The following F11R variants were observed in gnomAD, a reference collection of about 807,000 sequenced individuals.
F11R encodes F11 receptor, also known as junctional adhesion molecule A.
In F11R, 27 loss-of-function variants were observed where a neutral mutation model predicts 39.3. That is an observed-to-expected ratio of 0.69 (90% CI 0.51 to 0.95). F11R has a LOEUF of 0.95. F11R is among the 40% of genes least tolerant of loss of function. F11R has a pLI of 0.00. For synonymous variants in F11R, 131 were observed against 144.9 expected (o/e 0.90, Z 0.69); for missense variants, 335 against 372.7 (o/e 0.90, Z 0.83).
At chr1:161,012,928 T>G (rs1649254222) in intron 1 of F11R, among the ~76,000 whole-genome samples, 2 of 152,068 alleles carry the variant, frequency 1.3e-5, no homozygotes, top group Non-Finnish European at 2.9e-5. Flanking sequence ...CCCGGCCGAT[T>G]TATTTATTTT....
intron 1 of F11R, among the ~76,000 whole-genome samples, chr1:161,004,623 T>C (rs747692106): frequency 6.6e-6 from 1 of 151,758 alleles, no homozygotes; most frequent in Non-Finnish European, 1.5e-5. Context: ...GCAAAAGGAC[T>C]ACTTAAGCCA....
At chr1:161,017,046 GT>G (rs1405683369) in intron 1 of F11R, among the ~76,000 whole-genome samples, 1 of 152,162 alleles carries the variant, frequency 6.6e-6, no homozygotes, top group Non-Finnish European at 1.5e-5. Flanking sequence ...GATGTGCTTT[GT>G]TAAACAAATG....
chr1:161,001,100 C>T lies in F11R; in HGVS notation c.161G>A (p.Gly54Asp). Residue 54 changes from glycine to aspartate, a missense_variant, in exon 3 of 10, where the codon GGC becomes GAC. Transcript: ENST00000368026. Reference protein sequence around the residue: ...NPVKLSCAYSGFSSPRVEWKF... With the variant: ...NPVKLSCAYSDFSSPRVEWKF... ...CCACTCCACACGGGGAGAAGAAAAG[C>T]CCGAGTAGGCACAGGACAACTTCAC... 1 of 1,614,086 alleles carries T rather than the reference C, an allele frequency of 6.2e-7. No individual in the cohort carries two copies. Among genetic ancestry groups the T allele is most frequent in the Non-Finnish European group, 8.5e-7 (1 of 1,180,006 alleles).
chr1:161,016,031 T>C (rs956038231), intron 1 of F11R, among the ~76,000 whole-genome samples: 4 of 151,928 alleles, frequency 2.6e-5, no homozygotes, highest in African/African-American at 9.7e-5. Flanking sequence ...AAGAGCAACA[T>C]GGTGAGGTAA....
intron 1 of F11R, 142 bp from the exon 2 acceptor site, chr1:161,001,495 C>G (rs1041574881): frequency 3.3e-5 from 22 of 666,196 alleles, no homozygotes; most frequent in Middle Eastern, 5.2e-4. Context: ...CCCTCTGGCT[C>G]TCACACTTTG....
At chr1:161,017,348 GGCAAT>G (rs1284400479) in intron 1 of F11R, among the ~76,000 whole-genome samples, 1 of 152,142 alleles carries the variant, frequency 6.6e-6, no homozygotes, top group Admixed American at 6.6e-5. Context: ...CCCGTCCCTG[GGCAAT>G]GGAATGTCTC....
In F11R at chr1:161,021,068, C is replaced by A. The variant is rs757688038; in HGVS notation, c.6G>T (p.Gly2=). Residue 2 remains glycine (G), a synonymous_variant, in exon 1 of 10, where the codon GGG becomes GGT. Transcript: ENST00000368026. The part of the protein sequence containing the change: M[G]TKAQVERKLL... Reference sequence around the variant, plus strand: ...GTTTCCTCTCGACTTGCGCCTTTGTCCCCATCGCGATCAGGCTCCCGACAC... The same window carrying A: ...GTTTCCTCTCGACTTGCGCCTTTGTACCCATCGCGATCAGGCTCCCGACAC... 5.6e-6 allele frequency: 9 copies of A among 1,613,760 alleles called. No individual in the cohort carries two copies. Among genetic ancestry groups the A allele is most frequent in the Non-Finnish European group, 7.6e-6 (9 of 1,179,798 alleles).
intron 1 of F11R, among the ~76,000 whole-genome samples, chr1:161,010,573 C>T (rs971107030): frequency 1.3e-5 from 2 of 151,900 alleles, no homozygotes; most frequent in African/African-American, 4.8e-5. Flanking sequence ...GCAAGGAAAT[C>T]CCATGTATCT....
intron 1 of F11R, among the ~76,000 whole-genome samples, chr1:161,003,582 T>C (rs1425070315): frequency 1.3e-5 from 2 of 151,394 alleles, no homozygotes; most frequent in Admixed American, 6.6e-5. Context: ...TTTTTTTCTT[T>C]TGTTTTTTTG....
chr1:161,013,731 C>T (rs1229172241), intron 1 of F11R, among the ~76,000 whole-genome samples: 1 of 152,212 alleles, frequency 6.6e-6, no homozygotes, highest in Non-Finnish European at 1.5e-5. Flanking sequence ...CTCGGGTCCT[C>T]TGAGGATGGC....
rs1205330098 is a variant in F11R, at chr1:160,995,260, C to T, written c.*3611G>A. The T allele has an allele frequency of 6.6e-6, 1 of 152,266 alleles. No homozygotes were observed. The highest frequency in any genetic ancestry group is 2.4e-5 in the African/African-American group (1 of 41,504). The allele number at this position is 152,266 out of a possible 1,614,324, so 9.4% of individuals were successfully genotyped here. On this transcript the variant is annotated 3_prime_UTR_variant, in exon 10 of 10. Coordinates refer to ENST00000368026, the MANE Select transcript of F11R (RefSeq NM_016946.6). ...CAAATTGTTGTTTTTCTTCATTTGT[C>T]TACTTTATTAAGCTGTCCTCAGGCC...
intron 1 of F11R, among the ~76,000 whole-genome samples, chr1:161,016,650 C>T (rs1316562212): frequency 1.3e-5 from 2 of 151,630 alleles, no homozygotes; most frequent in African/African-American, 4.8e-5. Context: ...GAATGAGACT[C>T]CGTCTCAAAA....
intron 1 of F11R, among the ~76,000 whole-genome samples, chr1:161,016,604 C>T (rs1354482323): frequency 6.6e-6 from 1 of 152,062 alleles, no homozygotes; most frequent in Non-Finnish European, 1.5e-5. Context: ...TTGCAGTGAG[C>T]CAAGATCATG....
chr1:161,003,465 G>T, intron 1 of F11R, among the ~76,000 whole-genome samples: 1 of 152,104 alleles, frequency 6.6e-6, no homozygotes, highest in East Asian at 1.9e-4. Context: ...GTTTCACCAC[G>T]TTGGCCAGGC....
At position 161,000,158 on chromosome 1, in the gene F11R, T is replaced by G; in HGVS notation, c.579A>C (p.Thr193=). The change falls in exon 5 of 10, where the codon ACA becomes ACC. Residue 193 remains threonine, a synonymous_variant. Coordinates refer to ENST00000368026, the MANE Select transcript of F11R (RefSeq NM_016946.6). ...FSNSSYVLNP[T]TGELVFDPLS... is the part of the protein sequence containing the mutation. ...ACCCCATACATACCAGCTCTCCTGT[T>G]GTGGGATTCAGGACATAGGAAGAGT... is the stretch of plus-strand genomic sequence containing the variant. 1 of 1,614,136 alleles carries G rather than the reference T, an allele frequency of 6.2e-7. No homozygotes were observed. The highest frequency in any genetic ancestry group is 8.5e-7 in the Non-Finnish European group (1 of 1,180,006).
At chr1:161,014,756 A>G (rs956370594) in intron 1 of F11R, among the ~76,000 whole-genome samples, 3 of 151,896 alleles carry the variant, frequency 2.0e-5, no homozygotes, top group Admixed American at 6.6e-5. Context: ...CTTGGCCAAC[A>G]TGGTGAAACC....
chr1:161,001,238 C>A (rs770455403), intron 2 of F11R, 47 bp downstream of exon 2: 9 of 1,606,302 alleles, frequency 5.6e-6, no homozygotes, highest in Admixed American at 1.7e-5. Flanking sequence ...CCCCAGGCGG[C>A]CGGCAACTGC....
chr1:161,000,885 G>T (rs1648440135), intron 3 of F11R, 108 bp from the exon 4 acceptor site: 2 of 1,506,984 alleles, frequency 1.3e-6, no homozygotes, highest in African/African-American at 2.8e-5. Flanking sequence ...CCCCCAGAAA[G>T]GGGGGTAGGA....
chr1:160,999,494 T>C (rs1648332648), intron 7 of F11R, 86 bp from the exon 8 acceptor site: 12 of 1,588,810 alleles, frequency 7.6e-6, no homozygotes, highest in Non-Finnish European at 1.0e-5. Flanking sequence ...CCCCCAGCTC[T>C]TGGTGTTAGA....
Sources: allele counts gnomAD v4.1 joint callset (sites outside exome capture counted in the v4.1 genomes callset), GRCh38; gene constraint gnomAD v4.1.1; transcripts MANE v1.5; gene names NCBI Gene and HGNC (gene_info 2026-07-23, HGNC 2026-07-21).